The following FBN3 variants were observed in gnomAD, a reference collection of about 807,000 sequenced individuals.
FBN3 encodes the protein fibrillin 3, also known as fibrillin-3.
In FBN3, 234 loss-of-function variants were observed where a neutral mutation model predicts 330.1. The observed-to-expected ratio is 0.71, with a 90% CI of 0.64 to 0.79. The LOEUF (loss-of-function observed/expected upper bound fraction) is 0.79, where lower values mean the gene tolerates loss of function less well. Among genes scored for constraint, FBN3 ranks in the 30% least tolerant of loss-of-function variants. The probability of loss-of-function intolerance (pLI) is 0.00; values close to 1 mark genes in which losing one functional copy is unlikely to be tolerated. For missense variants in FBN3, 3,606 were observed against 3,886.9 expected (o/e 0.93, Z 1.92); for synonymous variants, 1,458 against 1,517.3 (o/e 0.96, Z 0.91).
chr19:8,106,348 T>C, intron 37 of FBN3, 115 bp from the exon 38 acceptor site: 1 of 1,031,796 alleles, frequency 9.7e-7, no homozygotes, highest in Non-Finnish European at 1.4e-6. Flanking sequence ...CCAAGTGCTG[T>C]CCATGACTGA....
At chr19:8,135,935 T>TGGGGGGGGGGGGGGGGGGGCG in intron 13 of FBN3, 26 bp downstream of exon 13, 1 of 1,344,156 alleles carries the variant, frequency 7.4e-7, no homozygotes, top group Non-Finnish European at 1.0e-6. Flanking sequence ...CGGAAGCCCC[T>TGGGGGGGGGGGGGGGGGGGCG]GCCCACCCGC....
chr19:8,127,058 T>G (rs549304989), intron 18 of FBN3, among the ~76,000 whole-genome samples: 1,244 of 54,190 alleles, frequency 0.023, 18 homozygotes, highest in African/African-American at 0.062. Context: ...GTTTTTTTTT[T>G]GTTTTTTTTT....
At chr19:8,119,082 A>G in intron 25 of FBN3, 60 bp from the exon 26 acceptor site, 1 of 1,539,444 alleles carries the variant, frequency 6.5e-7, no homozygotes. Context: ...GGAGGGGGTG[A>G]TGAGGCTCAT....
chr19:8,132,935 T>A (rs912564061), intron 14 of FBN3, 49 bp downstream of exon 14: 2 of 1,498,570 alleles, frequency 1.3e-6, no homozygotes, highest in African/African-American at 2.8e-5. Context: ...TCCCTCTGCT[T>A]CCCCATCTCC....
intron 57 of FBN3, 35 bp from the exon 58 acceptor site, chr19:8,081,515 T>C: frequency 6.4e-7 from 1 of 1,563,118 alleles, no homozygotes; most frequent in Non-Finnish European, 8.6e-7. Context: ...GGGGCGGGGT[T>C]AGACAGACAT....
chr19:8,083,931 T>C (rs1375077900), intron 56 of FBN3, among the ~76,000 whole-genome samples: 4 of 151,856 alleles, frequency 2.6e-5, no homozygotes, highest in Admixed American at 2.0e-4. Flanking sequence ...GCCTCCCAAG[T>C]AGCTGGGACT....
chr19:8,072,251 T>C (rs976398309), intron 62 of FBN3, 53 bp from the exon 63 acceptor site: 21 of 1,475,198 alleles, frequency 1.4e-5, no homozygotes, highest in Non-Finnish European at 1.8e-6. Context: ...TGATGGGACC[T>C]CCCCAGCCAC....
chr19:8,124,230 G>A (rs2082926091), intron 22 of FBN3, among the ~76,000 whole-genome samples: 1 of 151,750 alleles, frequency 6.6e-6, no homozygotes, highest in Admixed American at 6.6e-5. Context: ...TTTTTTTTAC[G>A]TGATTGATTC....
chr19:8,146,464 G>C (rs568540469), intron 3 of FBN3, among the ~76,000 whole-genome samples: 1 of 152,376 alleles, frequency 6.6e-6, no homozygotes, highest in South Asian at 2.1e-4. Flanking sequence ...GCCATGGGGA[G>C]AGAATGCTCT....
chr19:8,111,635 C>CCCCCCAAAAAAACAAAG lies in FBN3; in HGVS notation c.4084+12_4084+13insCTTTGTTTTTTTGGGGG. The stretch of plus-strand genomic sequence containing the variant: ...CCTCTAGGGCCCCTGCCCTCCCACC[C>CCCCCCAAAAAAACAAAG]CTCTAATCTCACCTTCGCAGAAGAA... On this transcript the variant is annotated intron_variant, in intron 32 of 63. Coordinates refer to ENST00000600128, the MANE Select transcript of FBN3 (RefSeq NM_032447.5). 6.3e-7 allele frequency: 1 copy of CCCCCCAAAAAAACAAAG among 1,590,808 alleles called. No homozygotes were observed. The highest frequency in any genetic ancestry group is 8.6e-7 in the Non-Finnish European group (1 of 1,164,382).
chr19:8,133,284 A>C (rs2083194081), intron 13 of FBN3, among the ~76,000 whole-genome samples, 178 bp from the exon 14 acceptor site: 1 of 152,210 alleles, frequency 6.6e-6, no homozygotes, highest in South Asian at 2.1e-4. Flanking sequence ...TGGGACGTTG[A>C]GTTCCCCGGG....
At chr19:8,070,633 A>G (rs906345648) in intron 63 of FBN3, among the ~76,000 whole-genome samples, 4 of 152,214 alleles carry the variant, frequency 2.6e-5, no homozygotes, top group African/African-American at 9.6e-5. Context: ...TGCCATATCC[A>G]TGGAATCTCT....
chr19:8,138,919 C>A (rs1018011056), intron 8 of FBN3, among the ~76,000 whole-genome samples: 1 of 152,130 alleles, frequency 6.6e-6, no homozygotes, highest in Non-Finnish European at 1.5e-5. Flanking sequence ...TGGTGGCAGG[C>A]ACTTGTAATC....
In FBN3 at chr19:8,066,087, G is replaced by C; in HGVS notation, c.8262C>G (p.His2754Gln). 1 of 1,613,484 alleles carries C rather than the reference G, an allele frequency of 6.2e-7. No homozygotes were observed. Among genetic ancestry groups the C allele is most frequent in the South Asian group, 1.1e-5 (1 of 91,086 alleles). The change falls in exon 64 of 64, where the codon CAC becomes CAG. Residue 2754 changes from histidine to glutamine, a missense_variant. By Grantham distance (24) the His-to-Gln change is conservative. Transcript: ENST00000600128. ...GNEQGFFRMH[H>Q]LRGVSSLQLG... ...GCTGCAGGGAGCTGACGCCACGGAG[G>C]TGATGCATGCGAAAGAAACCTTGCT...
At chr19:8,135,936 G>GGGGGGGGGGGGGGGCGCCCCCCCCC in intron 13 of FBN3, 25 bp downstream of exon 13, 4 of 668,774 alleles carry the variant, frequency 6.0e-6, no homozygotes, top group Non-Finnish European at 9.6e-6. Flanking sequence ...GGAAGCCCCT[G>GGGGGGGGGGGGGGGCGCCCCCCCCC]CCCACCCGCC....
chr19:8,121,069 C>A lies in FBN3; in HGVS notation c.3211+189G>T, dbSNP rs948933858. On this transcript the variant is annotated intron_variant, in intron 25 of 63. Coordinates refer to ENST00000600128, the MANE Select transcript of FBN3 (RefSeq NM_032447.5). The surrounding 1 kb of genome is among the most constrained non-coding windows in gnomAD (Gnocchi z 4.5). ...GCCGGCCACCCCCAGGTCTCAGGCC[C>A]CAGGTCTCTCTCCTAAGGACGAGGC... Among the ~76,000 whole-genome samples the A allele has an allele frequency of 2.0e-5, 3 of 152,026 alleles. No individual in the cohort carries two copies. The highest frequency in any genetic ancestry group is 7.2e-5 in the African/African-American group (3 of 41,394).
At chr19:8,099,276 A>ATTTTTT (rs386388494) in intron 41 of FBN3, among the ~76,000 whole-genome samples, 6 of 98,880 alleles carry the variant, frequency 6.1e-5, no homozygotes, top group Non-Finnish European at 7.6e-5. Context: ...TCATGGTTTG[A>ATTTTTT]TTTTTTTTTT....
At chr19:8,097,159 G>A (rs760694515) in intron 42 of FBN3, 130 bp downstream of exon 42, 21 of 1,466,732 alleles carry the variant, frequency 1.4e-5, no homozygotes, top group Non-Finnish European at 1.9e-5. Flanking sequence ...GAGGCCCTTG[G>A]AAAGGTGTTA....
chr19:8,116,777 G>T lies in FBN3; in HGVS notation c.3609C>A (p.Asn1203Lys). The T allele has an allele frequency of 2.5e-6, 4 of 1,614,072 alleles. No individual in the cohort carries two copies. Among genetic ancestry groups the T allele is most frequent in the Non-Finnish European group, 8.5e-7 (1 of 1,179,968 alleles). ...ACADVDECEE[N>K]PRVCDQGHCT... ...AGTGGCCTTGGTCACAAACGCGGGGGTTCTCTTCACACTCGTCCACGTCTG... is the reference window on the plus strand; with the variant it reads ...AGTGGCCTTGGTCACAAACGCGGGGTTTCTCTTCACACTCGTCCACGTCTG... The change falls in exon 29 of 64, where the codon AAC becomes AAA. Residue 1203 changes from asparagine to lysine, a missense_variant. By Grantham distance (94) the Asn-to-Lys change is moderately conservative (BLOSUM62 0). Coordinates refer to ENST00000600128, the MANE Select transcript of FBN3 (RefSeq NM_032447.5).
Sources: allele counts gnomAD v4.1 joint callset (sites outside exome capture counted in the v4.1 genomes callset), GRCh38; gene constraint gnomAD v4.1.1; non-coding constraint Gnocchi (gnomAD v3.1); transcripts MANE v1.5; gene names NCBI Gene and HGNC (gene_info 2026-07-23, HGNC 2026-07-21).